RAB18: variants seen among roughly 807,000 people sequenced by gnomAD.
RAB18 encodes RAB18, member RAS oncogene family, also known as ras-related protein Rab-18.
A neutral mutation model predicts 28.5 loss-of-function variants in RAB18; 10 were observed. The ratio of observed to expected loss-of-function variants is 0.35; its 90% CI spans 0.22 to 0.60. RAB18 has a LOEUF of 0.60. Among genes scored for constraint, RAB18 ranks in the 20% least tolerant of loss-of-function variants. The probability of loss-of-function intolerance (pLI) is 0.78; values close to 1 mark genes in which losing one functional copy is unlikely to be tolerated. For missense variants in RAB18, 188 were observed against 244.2 expected, an observed-to-expected ratio of 0.77 and a Z score of 1.53; for synonymous variants, 93 against 86.9, an observed-to-expected ratio of 1.07 and a Z score of -0.39.
chr10:27,513,336 A>C (rs998740114), intron 2 of RAB18, among the ~76,000 whole-genome samples: 1 of 152,086 alleles, frequency 6.6e-6, no homozygotes, highest in Non-Finnish European at 1.5e-5. Context: ...CGCCCAGCCC[A>C]CACATGAGTT....
chr10:27,527,959 G>A (rs1834712145), intron 3 of RAB18, among the ~76,000 whole-genome samples: 1 of 152,030 alleles, frequency 6.6e-6, no homozygotes, highest in East Asian at 1.9e-4. Context: ...CCCCAAATAT[G>A]TTTAATATCA....
intron 2 of RAB18, among the ~76,000 whole-genome samples, chr10:27,523,226 A>T (rs1175252045): frequency 6.7e-6 from 1 of 149,236 alleles, no homozygotes; most frequent in Non-Finnish European, 1.5e-5. Context: ...TAAAATACTT[A>T]GAACAATTTC....
chr10:27,521,637 A>G (rs1279583213), intron 2 of RAB18, among the ~76,000 whole-genome samples: 1 of 152,208 alleles, frequency 6.6e-6, no homozygotes, highest in Non-Finnish European at 1.5e-5. Context: ...TATAAGTGAT[A>G]GCTAAGCTAT....
chr10:27,522,571 T>C (rs889143880), intron 2 of RAB18, among the ~76,000 whole-genome samples: 1 of 152,182 alleles, frequency 6.6e-6, no homozygotes, highest in Non-Finnish European at 1.5e-5. Context: ...ACTTCTGCCA[T>C]TTTGCTATTT....
intron 6 of RAB18, among the ~76,000 whole-genome samples, chr10:27,535,825 G>A (rs1357128803): frequency 6.6e-6 from 1 of 152,184 alleles, no homozygotes. Flanking sequence ...AGTGGCTCAC[G>A]CCTGTAATCT....
At chr10:27,516,187 G>A (rs1022901615) in intron 2 of RAB18, among the ~76,000 whole-genome samples, 11 of 152,020 alleles carry the variant, frequency 7.2e-5, no homozygotes, top group African/African-American at 2.7e-4. Context: ...TGTTCCATAG[G>A]TTTTGGTATG....
intron 3 of RAB18, among the ~76,000 whole-genome samples, chr10:27,531,071 CAGAG>C (rs997672228): frequency 1.3e-5 from 2 of 152,024 alleles, no homozygotes; most frequent in African/African-American, 4.8e-5. Context: ...AACTTAGAGG[CAGAG>C]AGAATTTTTG....
chr10:27,537,218 C>T (rs1834918393), intron 6 of RAB18, among the ~76,000 whole-genome samples: 1 of 152,156 alleles, frequency 6.6e-6, no homozygotes, highest in Non-Finnish European at 1.5e-5. Context: ...GATGATCAGG[C>T]AGTTCTTGCC....
rs1431188343 is a variant in RAB18 at position 27,540,439 on chromosome 10, AAC to A, written c.*2392_*2393del. The A allele has an allele frequency of 4.4e-6, 2 of 454,046 alleles. No homozygotes were observed. The highest frequency in any genetic ancestry group is 4.7e-5 in the Admixed American group (2 of 42,580). The allele number at this position is 454,046 out of a possible 1,614,324, so 28.1% of individuals were successfully genotyped here. ...GGGTAGTTAGTTACCAGCTTTTTGT[AAC>A]ACAACCAAGTTAAGGCAGTTCCACT... On this transcript the variant is annotated 3_prime_UTR_variant, in exon 7 of 7. Coordinates refer to ENST00000356940, the MANE Select transcript of RAB18 (RefSeq NM_021252.5).
Position 27,541,880 on chromosome 10 carries a change from C to A in RAB18, c.*3829C>A. The A allele has an allele frequency of 2.2e-6, 1 of 449,886 alleles. No individual in the cohort carries two copies. The highest frequency in any genetic ancestry group is 1.6e-5 in the South Asian group (1 of 64,004). The allele number at this position is 449,886 out of a possible 1,614,324, so 27.9% of individuals were successfully genotyped here. On this transcript the variant is annotated 3_prime_UTR_variant, in exon 7 of 7. Transcript: ENST00000356940. ...GCATGTGGTTTGGGTGGCATTGTCA[C>A]ACCCTCGGCTTTCTAGATTAACCCA...
At chr10:27,531,284 A>T (rs1382059083) in intron 3 of RAB18, among the ~76,000 whole-genome samples, 1 of 152,162 alleles carries the variant, frequency 6.6e-6, no homozygotes, top group African/African-American at 2.4e-5. Context: ...TTGAAACGTT[A>T]CTTTCCTCTT....
chr10:27,525,395 C>T (rs1589578136), intron 2 of RAB18, among the ~76,000 whole-genome samples: 1 of 116,432 alleles, frequency 8.6e-6, no homozygotes, highest in African/African-American at 3.3e-5. Context: ...AACCATTTTC[C>T]TCCTCTGAAT....
chr10:27,541,720 A>C lies in RAB18; in HGVS notation c.*3669A>C, dbSNP rs1428730870. 1 of 450,278 alleles carries C rather than the reference A, an allele frequency of 2.2e-6. No homozygotes were observed. Among genetic ancestry groups the C allele is most frequent in the Non-Finnish European group, 4.4e-6 (1 of 226,042 alleles). The allele number at this position is 450,278 out of a possible 1,614,324, so 27.9% of individuals were successfully genotyped here. On this transcript the variant is annotated 3_prime_UTR_variant, in exon 7 of 7. Transcript: ENST00000356940. ...GTTTCTTTGATTACTAGTGAGCTTGAGTACTTTTAATATTTTATTGGATAT... is the reference window on the plus strand; with the variant it reads ...GTTTCTTTGATTACTAGTGAGCTTGCGTACTTTTAATATTTTATTGGATAT...
At chr10:27,536,399 G>T (rs1273736558) in intron 6 of RAB18, among the ~76,000 whole-genome samples, 1 of 152,128 alleles carries the variant, frequency 6.6e-6, no homozygotes, top group African/African-American at 2.4e-5. Flanking sequence ...AATAAAATCA[G>T]CTGTGTATAG....
At chr10:27,537,600 A>T (rs1340987257) in intron 6 of RAB18, among the ~76,000 whole-genome samples, 2 of 152,236 alleles carry the variant, frequency 1.3e-5, no homozygotes, top group Middle Eastern at 3.2e-3. Context: ...CTATTTAAGT[A>T]GGGCTTTACA....
At chr10:27,518,559 A>G (rs904408372) in intron 2 of RAB18, among the ~76,000 whole-genome samples, 1 of 152,068 alleles carries the variant, frequency 6.6e-6, no homozygotes, top group African/African-American at 2.4e-5. Flanking sequence ...TAGGCTGTAT[A>G]TATGTATTTT....
At chr10:27,516,516 C>T (rs1298746596) in intron 2 of RAB18, among the ~76,000 whole-genome samples, 2 of 151,570 alleles carry the variant, frequency 1.3e-5, no homozygotes, top group African/African-American at 4.9e-5. Flanking sequence ...CAAGATCGCA[C>T]CACTGCACTC....
Position 27,526,861 on chromosome 10 carries a change from A to T in RAB18, c.158A>T (p.Asp53Val). 1 of 1,613,304 alleles carries T rather than the reference A, an allele frequency of 6.2e-7. No individual in the cohort carries two copies. Among genetic ancestry groups the T allele is most frequent in the Non-Finnish European group, 8.5e-7 (1 of 1,179,486 alleles). Residue 53 changes from aspartate to valine, a missense_variant, in exon 3 of 7, where the codon GAT (aspartate) becomes GTT (valine). By Grantham distance (152) the Asp-to-Val change is radical (BLOSUM62 -3). Coordinates refer to ENST00000356940, the MANE Select transcript of RAB18 (RefSeq NM_021252.5). ...VDFKVKTISV[D>V]GNKAKLAIWD... ...TTTAAGGTGAAAACAATTTCAGTGGATGGAAATAAGGCTAAACTTGCAATA... is the reference window on the plus strand; with the variant it reads ...TTTAAGGTGAAAACAATTTCAGTGGTTGGAAATAAGGCTAAACTTGCAATA...
intron 2 of RAB18, among the ~76,000 whole-genome samples, chr10:27,510,872 G>T (rs771984776): frequency 1.2e-4 from 18 of 152,086 alleles, no homozygotes; most frequent in Non-Finnish European, 2.4e-4. Context: ...CAGACTCAAA[G>T]ATTTGTAAAA....
Sources: gnomAD v4.1 joint callset for allele counts (sites outside exome capture counted in the v4.1 genomes callset) on GRCh38, gnomAD v4.1.1 for gene constraint, MANE v1.5 for transcripts, NCBI Gene and HGNC (gene_info 2026-07-23, HGNC 2026-07-21) for gene names.